STX18: variants seen among roughly 807,000 people sequenced by gnomAD.
STX18 encodes the protein syntaxin 18.
STX18 carries 40 observed loss-of-function variants against 50.1 expected under a neutral mutation model. The ratio of observed to expected loss-of-function variants is 0.80; its 90% CI spans 0.62 to 1.04. STX18 has a LOEUF of 1.04. Ranked by LOEUF, STX18 falls within the 50% of genes least tolerant of loss-of-function variation. STX18 has a pLI of 0.00. For missense variants in STX18, 410 were observed against 415.8 expected, an observed-to-expected ratio of 0.99 and a Z score of 0.12; for synonymous variants, 158 against 151.8, an observed-to-expected ratio of 1.04 and a Z score of -0.30.
chr4:4,511,830 G>C (rs1208326834), intron 1 of STX18, among the ~76,000 whole-genome samples: 3 of 150,258 alleles, frequency 2.0e-5, no homozygotes, highest in Non-Finnish European at 3.0e-5. Flanking sequence ...AGAAGGAGAG[G>C]AGATTTGAAA....
chr4:4,470,674 G>C (rs1433564110), intron 2 of STX18, among the ~76,000 whole-genome samples: 1 of 152,148 alleles, frequency 6.6e-6, no homozygotes, highest in African/African-American at 2.4e-5. Context: ...CTGGGAAGAG[G>C]GACTATTAAG....
At chr4:4,463,126 G>T (rs1727463586) in intron 2 of STX18, among the ~76,000 whole-genome samples, 1 of 152,182 alleles carries the variant, frequency 6.6e-6, no homozygotes, top group Admixed American at 6.5e-5. Context: ...TGCTTCCTGA[G>T]TGAGTATCCC....
At chr4:4,479,843 T>C (rs1728371238) in intron 1 of STX18, among the ~76,000 whole-genome samples, 1 of 152,186 alleles carries the variant, frequency 6.6e-6, no homozygotes, top group East Asian at 1.9e-4. Context: ...AAGGTTTTAC[T>C]AGGAAACACC....
At chr4:4,536,884 T>C (rs1244323611) in intron 1 of STX18, among the ~76,000 whole-genome samples, 1 of 152,254 alleles carries the variant, frequency 6.6e-6, no homozygotes, top group East Asian at 1.9e-4. Context: ...TTACCTTATT[T>C]AGAATCAAAG....
chr4:4,485,933 C>T (rs540956509), intron 1 of STX18, among the ~76,000 whole-genome samples: 2 of 152,322 alleles, frequency 1.3e-5, no homozygotes, highest in East Asian at 1.9e-4. Flanking sequence ...ACTGCTTATA[C>T]TAGAATTCCA....
chr4:4,542,194 G>T, upstream of STX18: 1 of 503,404 alleles, frequency 2.0e-6, no homozygotes. Context: ...GCGCTCTCGG[G>T]CATCGGTTTC....
intron 5 of STX18, among the ~76,000 whole-genome samples, chr4:4,439,389 T>C (rs540886897): frequency 2.1e-5 from 2 of 96,330 alleles, no homozygotes; most frequent in South Asian, 7.8e-4. Context: ...ACCCCCTACA[T>C]ACACACACAC....
intron 1 of STX18, among the ~76,000 whole-genome samples, chr4:4,529,062 T>C (rs909102144): frequency 1.3e-5 from 2 of 152,116 alleles, no homozygotes; most frequent in East Asian, 1.9e-4. Flanking sequence ...ACAACACTTA[T>C]CTTTAAGAAA....
chr4:4,525,586 T>C (rs1182808346), intron 1 of STX18, among the ~76,000 whole-genome samples: 1 of 152,156 alleles, frequency 6.6e-6, no homozygotes. Flanking sequence ...CAAGAAGATA[T>C]GGTGTCTGTT....
intron 1 of STX18, among the ~76,000 whole-genome samples, chr4:4,489,107 C>T (rs1296172284): frequency 6.6e-6 from 1 of 152,058 alleles, no homozygotes; most frequent in Non-Finnish European, 1.5e-5. Flanking sequence ...CATTTTATCT[C>T]AAAGTTCTGA....
intron 1 of STX18, among the ~76,000 whole-genome samples, chr4:4,474,209 T>C (rs776921870): frequency 4.6e-5 from 7 of 152,192 alleles, no homozygotes; most frequent in African/African-American, 7.2e-5. Flanking sequence ...AAACGCTACA[T>C]GTGCATCTAT....
chr4:4,484,105 G>A (rs1049189761), intron 1 of STX18, among the ~76,000 whole-genome samples: 23 of 152,080 alleles, frequency 1.5e-4, no homozygotes, highest in South Asian at 4.2e-4. Context: ...CTCGTGATCC[G>A]CCCGCCTTGG....
chr4:4,456,276 A>C (rs1367608417), intron 5 of STX18, among the ~76,000 whole-genome samples: 1 of 152,090 alleles, frequency 6.6e-6, no homozygotes, highest in African/African-American at 2.4e-5. Flanking sequence ...AAAAAACAAA[A>C]AAAAACAAAA....
chr4:4,478,000 A>G (rs1043896490), intron 1 of STX18: 1 of 152,180 alleles, frequency 6.6e-6, no homozygotes, highest in Non-Finnish European at 1.5e-5. Flanking sequence ...TGCCCCACCT[A>G]GTAAACATGG....
At chr4:4,522,505 G>A (rs1730552736) in intron 1 of STX18, among the ~76,000 whole-genome samples, 1 of 152,178 alleles carries the variant, frequency 6.6e-6, no homozygotes, top group Admixed American at 6.5e-5. Flanking sequence ...ATAATGGGGA[G>A]GAGTTGAGAA....
intron 1 of STX18, among the ~76,000 whole-genome samples, chr4:4,514,187 A>G (rs1436962390): frequency 6.6e-6 from 1 of 152,224 alleles, no homozygotes; most frequent in Non-Finnish European, 1.5e-5. Flanking sequence ...TCCAAGAATC[A>G]TGAAGAAAAG....
chr4:4,453,319 A>G (rs1473124377), intron 5 of STX18, among the ~76,000 whole-genome samples: 2 of 152,218 alleles, frequency 1.3e-5, no homozygotes, highest in Non-Finnish European at 2.9e-5. Flanking sequence ...GTCTTATTTT[A>G]AAAACTGCCA....
chr4:4,513,780 ATCTCC>A (rs1730114796), intron 1 of STX18, among the ~76,000 whole-genome samples: 1 of 152,208 alleles, frequency 6.6e-6, no homozygotes, highest in Non-Finnish European at 1.5e-5. Context: ...GGTCTGGGAT[ATCTCC>A]TTGCTACTGC....
Position 4,419,647 on chromosome 4 carries a change from G to A in STX18, c.*387C>T, listed in dbSNP as rs976083010. ...AACTATGATCTTCCCTGAAGCTACCGGGATGGGAAAGGTCAGTGTCTTCCT... is the reference window on the plus strand; with the variant it reads ...AACTATGATCTTCCCTGAAGCTACCAGGATGGGAAAGGTCAGTGTCTTCCT... On this transcript the variant is annotated 3_prime_UTR_variant, in exon 11 of 11. Transcript: ENST00000306200. 8 of 169,026 alleles carry A rather than the reference G, an allele frequency of 4.7e-5. No homozygotes were observed. Among genetic ancestry groups the A allele is most frequent in the Non-Finnish European group, 8.9e-5 (7 of 79,080 alleles). 10.5% of individuals were successfully genotyped at this position (169,026 alleles called of 1,614,324 possible).
Sources: gnomAD v4.1 joint callset for allele counts (sites outside exome capture counted in the v4.1 genomes callset) on GRCh38, gnomAD v4.1.1 for gene constraint, MANE v1.5 for transcripts, NCBI Gene and HGNC (gene_info 2026-07-23, HGNC 2026-07-21) for gene names.